The following GRXCR1 variants were observed in gnomAD, a reference collection of about 807,000 sequenced individuals.
GRXCR1 encodes glutaredoxin domain-containing cysteine-rich protein 1.
In GRXCR1, 27 loss-of-function variants were observed where a neutral mutation model predicts 27.3. The ratio of observed to expected loss-of-function variants is 0.99; its 90% CI spans 0.73 to 1.37. The LOEUF (loss-of-function observed/expected upper bound fraction) is 1.37, where lower values mean the gene tolerates loss of function less well. Among genes scored for constraint, GRXCR1 ranks in the 40% most tolerant of loss-of-function variants. The pLI, the probability that GRXCR1 is intolerant of heterozygous loss-of-function variation, is 0.00. For synonymous variants in GRXCR1, 122 were observed against 131.1 expected (o/e 0.93, Z 0.47); for missense variants, 379 against 354.4 (o/e 1.07, Z -0.56).
chr4:42,909,115 A>G (rs1357174738), intron 1 of GRXCR1, among the ~76,000 whole-genome samples: 1 of 152,192 alleles, frequency 6.6e-6, no homozygotes, highest in East Asian at 1.9e-4. Context: ...AACGCTTTAG[A>G]TAGCATCTTC....
intron 1 of GRXCR1, among the ~76,000 whole-genome samples, chr4:42,898,370 G>T (rs1464110133): frequency 6.6e-6 from 1 of 151,932 alleles, no homozygotes; most frequent in African/African-American, 2.4e-5. Flanking sequence ...GTGTCATGAG[G>T]TTGCAAGGAT....
chr4:42,996,789 A>G (rs1712175531), intron 2 of GRXCR1, among the ~76,000 whole-genome samples: 1 of 151,998 alleles, frequency 6.6e-6, no homozygotes, highest in Non-Finnish European at 1.5e-5. Flanking sequence ...CTGACAAAAT[A>G]AAATATAAAG....
chr4:42,914,396 T>C (rs1436083704), intron 1 of GRXCR1, among the ~76,000 whole-genome samples: 1 of 149,392 alleles, frequency 6.7e-6, no homozygotes, highest in African/African-American at 2.4e-5. Flanking sequence ...AACTTTAAGG[T>C]TTAATAACTG....
Position 42,958,776 on chromosome 4 carries a change from G to A in GRXCR1, c.385-4116G>A, listed in dbSNP as rs115568908. Among the ~76,000 whole-genome samples, 194 of 151,948 alleles carry A rather than the reference G, an allele frequency of 1.3e-3. 1 individual carries two copies. Among genetic ancestry groups the A allele is most frequent in the African/African-American group, 4.4e-3 (181 of 41,504 alleles). On this transcript the variant is annotated intron_variant, in intron 1 of 3. Coordinates refer to ENST00000399770, the MANE Select transcript of GRXCR1 (RefSeq NM_001080476.3). ...AGATGACCAGAATAGATATTTCTCC[G>A]AAGAAGACATACAAATAGCCAAGAG...
chr4:42,937,028 G>A (rs1290257421), intron 1 of GRXCR1, among the ~76,000 whole-genome samples: 1 of 151,814 alleles, frequency 6.6e-6, no homozygotes, highest in East Asian at 1.9e-4. Context: ...ACCAGGTGAG[G>A]AGTTACACTC....
chr4:43,013,909 T>C (rs1212774498), intron 2 of GRXCR1, among the ~76,000 whole-genome samples: 2 of 152,130 alleles, frequency 1.3e-5, no homozygotes, highest in African/African-American at 4.8e-5. Context: ...TATGGCTTTA[T>C]TATAAAAAAT....
chr4:42,925,245 T>G (rs796905742), intron 1 of GRXCR1, among the ~76,000 whole-genome samples: 1 of 151,924 alleles, frequency 6.6e-6, no homozygotes, highest in African/African-American at 2.4e-5. Context: ...GGAAGGAAAT[T>G]TAATGGAGAG....
At chr4:43,013,996 A>C (rs1163176201) in intron 2 of GRXCR1, among the ~76,000 whole-genome samples, 2 of 152,004 alleles carry the variant, frequency 1.3e-5, no homozygotes, top group African/African-American at 2.4e-5. Flanking sequence ...ATATAAAACT[A>C]AAATCACTGT....
intron 1 of GRXCR1, among the ~76,000 whole-genome samples, chr4:42,932,617 TATAGAGAG>T (rs57269655): frequency 8.2e-4 from 24 of 29,130 alleles, no homozygotes; most frequent in Admixed American, 2.7e-3. Flanking sequence ...TATATATATA[TATAGAGAG>T]AGAGAGAGAG....
At chr4:42,987,266 A>AT (rs1230392056) in intron 2 of GRXCR1, among the ~76,000 whole-genome samples, 9 of 101,410 alleles carry the variant, frequency 8.9e-5, no homozygotes, top group South Asian at 6.1e-4. Flanking sequence ...TATATAATAT[A>AT]TATATATATA....
At chr4:42,975,593 C>A (rs1424979506) in intron 2 of GRXCR1, among the ~76,000 whole-genome samples, 1 of 152,066 alleles carries the variant, frequency 6.6e-6, no homozygotes, top group East Asian at 1.9e-4. Flanking sequence ...GGCAGTGATA[C>A]CGGAGTCCAC....
intron 1 of GRXCR1, among the ~76,000 whole-genome samples, chr4:42,910,348 C>T (rs187904070): frequency 6.6e-6 from 1 of 152,270 alleles, no homozygotes; most frequent in Admixed American, 6.5e-5. Context: ...TCCTGCGTCT[C>T]TCCAGGGCCT....
chr4:42,958,005 G>A (rs1748046270), intron 1 of GRXCR1, among the ~76,000 whole-genome samples: 1 of 151,950 alleles, frequency 6.6e-6, no homozygotes, highest in Non-Finnish European at 1.5e-5. Context: ...GAGCATTGAA[G>A]AGTTAGGTAT....
intron 1 of GRXCR1, among the ~76,000 whole-genome samples, chr4:42,896,592 G>A (rs1746351628): frequency 6.6e-6 from 1 of 152,020 alleles, no homozygotes; most frequent in Non-Finnish European, 1.5e-5. Context: ...CTCGAGAGAG[G>A]CCAATTTGGA....
At chr4:42,900,241 A>T (rs1472127996) in intron 1 of GRXCR1, among the ~76,000 whole-genome samples, 1 of 152,212 alleles carries the variant, frequency 6.6e-6, no homozygotes, top group Admixed American at 6.5e-5. Context: ...TATAAACAGA[A>T]TAAGATGTCA....
intron 2 of GRXCR1, among the ~76,000 whole-genome samples, chr4:42,998,436 C>T (rs1477382731): frequency 7.2e-5 from 11 of 152,148 alleles, no homozygotes; most frequent in Non-Finnish European, 7.3e-5. Flanking sequence ...ACTACCTCCA[C>T]ACATCTGGAA....
chr4:42,967,562 T>C (rs1748277455), intron 2 of GRXCR1, among the ~76,000 whole-genome samples: 2 of 152,162 alleles, frequency 1.3e-5, no homozygotes, highest in African/African-American at 2.4e-5. Context: ...GACAATTGTA[T>C]CTGTGTCAGT....
intron 1 of GRXCR1, among the ~76,000 whole-genome samples, chr4:42,914,076 C>G (rs1366204775): frequency 6.6e-6 from 1 of 152,232 alleles, no homozygotes; most frequent in African/African-American, 2.4e-5. Context: ...CAAGGAGAAC[C>G]TCTGCTAGGG....
At position 42,911,155 on chromosome 4, in the gene GRXCR1, C is replaced by T. The variant is rs74534618; in HGVS notation, c.384+17505C>T. On this transcript the variant is annotated intron_variant, in intron 1 of 3. Coordinates refer to ENST00000399770, the MANE Select transcript of GRXCR1 (RefSeq NM_001080476.3). ...TACATCATAAATGCTCCATAAATAC[C>T]TGTGGACTAAATGAATGAATACATT... Among the ~76,000 whole-genome samples the T allele has an allele frequency of 6.9e-3, 1,046 of 152,190 alleles. 7 individuals carry two copies. The highest frequency in any genetic ancestry group is 0.024 in the African/African-American group (1,006 of 41,534).
Sources: allele counts gnomAD v4.1 joint callset (sites outside exome capture counted in the v4.1 genomes callset), GRCh38; gene constraint gnomAD v4.1.1; transcripts MANE v1.5; gene names NCBI Gene and HGNC (gene_info 2026-07-23, HGNC 2026-07-21).